The following MDM1 variants were observed in gnomAD, a reference collection of about 807,000 sequenced individuals.
MDM1 encodes Mdm1 nuclear protein.
MDM1 carries 61 observed loss-of-function variants against 89.1 expected under a neutral mutation model. That is an observed-to-expected ratio of 0.68 (90% CI 0.56 to 0.85). The LOEUF is 0.85. MDM1 is among the 40% of genes least tolerant of loss of function. MDM1 has a pLI of 0.00. For synonymous variants in MDM1, 290 were observed against 294.1 expected, an observed-to-expected ratio of 0.99 and a Z score of 0.14; for missense variants, 820 against 846.5, an observed-to-expected ratio of 0.97 and a Z score of 0.39.
chr12:68,327,068 TACAAAG>T, intron 2 of MDM1, 47 bp from the exon 3 acceptor site: 1 of 1,521,746 alleles, frequency 6.6e-7, no homozygotes, highest in Non-Finnish European at 8.7e-7. Flanking sequence ...AGCAAAAAGT[TACAAAG>T]ACAACTTTTA....
At chr12:68,308,657 T>G (rs1411763095) in intron 12 of MDM1, among the ~76,000 whole-genome samples, 1 of 152,200 alleles carries the variant, frequency 6.6e-6, no homozygotes, top group Non-Finnish European at 1.5e-5. Flanking sequence ...CCAATGAAAA[T>G]GTAAGCTTCA....
In MDM1 at chr12:68,321,536, A is replaced by T; in HGVS notation, c.894T>A (p.His298Gln). ...ATTAAAATACATACCCAAGCCTTTG[A>T]TGTTTCCAAGGAGTAAGCTTCCTTT... ...QPKRKLTPWK[H>Q]QRLGKVNSEY... Residue 298 changes from histidine (H) to glutamine (Q), a missense_variant, in exon 6 of 15, where the codon CAT becomes CAA. Physicochemically the swap from His to Gln is conservative, Grantham distance 24. Coordinates refer to ENST00000682720, the MANE Select transcript of MDM1 (RefSeq NM_001354969.2). 6.2e-7 allele frequency: 1 copy of T among 1,612,850 alleles called. No homozygotes were observed. Among genetic ancestry groups the T allele is most frequent in the Non-Finnish European group, 8.5e-7 (1 of 1,179,468 alleles).
rs760557279 is a variant in MDM1 at position 68,315,040 on chromosome 12, T to C, written c.1437A>G (p.Glu479=). 1.2e-6 allele frequency: 2 copies of C among 1,614,190 alleles called. No homozygotes were observed. The highest frequency in any genetic ancestry group is 1.7e-5 in the Admixed American group (1 of 60,018). Residue 479 remains glutamate, a synonymous_variant, in exon 10 of 15, where the codon GAA becomes GAG. Transcript: ENST00000682720. ...EKEEEDDNEE[E]GDRKTGKQAF... ...CCTGCTTGCCCGTTTTCCTGTCCCCTTCCTCTTCATTGTCGTCCTCCTCCT... is the reference window on the plus strand; with the variant it reads ...CCTGCTTGCCCGTTTTCCTGTCCCCCTCCTCTTCATTGTCGTCCTCCTCCT...
chr12:68,330,606 T>C (rs1876651404), intron 2 of MDM1: 1 of 153,058 alleles, frequency 6.5e-6, no homozygotes, highest in African/African-American at 2.4e-5. Context: ...TGCTGAATCA[T>C]GGAGGTTTGA....
intron 4 of MDM1, chr12:68,325,089 C>T: frequency 1.1e-6 from 1 of 946,336 alleles, no homozygotes; most frequent in Non-Finnish European, 1.3e-6. Context: ...ATATATTAGT[C>T]AACAAAACAC....
intron 12 of MDM1, among the ~76,000 whole-genome samples, chr12:68,304,746 C>T (rs890326516): frequency 6.6e-6 from 1 of 152,194 alleles, no homozygotes; most frequent in Admixed American, 6.5e-5. Flanking sequence ...GAGCCTAAAT[C>T]CTCAAAAGGC....
intron 4 of MDM1, among the ~76,000 whole-genome samples, chr12:68,323,733 C>T (rs770140093): frequency 6.6e-6 from 1 of 152,138 alleles, no homozygotes; most frequent in African/African-American, 2.4e-5. Flanking sequence ...TCCTTTTATA[C>T]TTACTACTTC....
At chr12:68,308,418 G>A (rs150512641) in intron 12 of MDM1, among the ~76,000 whole-genome samples, 1,808 of 152,188 alleles carry the variant, frequency 0.012, 25 homozygotes, top group South Asian at 0.069. Context: ...GAGCCACTGC[G>A]CCCGGCCCCT....
intron 14 of MDM1, among the ~76,000 whole-genome samples, chr12:68,296,304 C>T (rs897541724): frequency 6.6e-6 from 1 of 152,196 alleles, no homozygotes; most frequent in Admixed American, 6.5e-5. Flanking sequence ...TTGAGACCAT[C>T]CTGGCCAACA....
In MDM1 at chr12:68,316,184, G is replaced by C; in HGVS notation, c.1105C>G (p.His369Asp). ...RVQGTHFSRDHLNQILSDSNC... is the reference protein window; with the variant it reads ...RVQGTHFSRDDLNQILSDSNC... ...CTATCAGATAAAATCTGATTCAGAT[G>C]GTCCCGAGAAAAATGCGTCCCCTGA... The change falls in exon 9 of 15, where the codon CAT becomes GAT. Residue 369 changes from histidine (H) to aspartate (D), a missense_variant. His to Asp is a moderately conservative substitution (Grantham distance 81, BLOSUM62 -1). Transcript: ENST00000682720. 2 of 1,613,860 alleles carry C rather than the reference G, an allele frequency of 1.2e-6. No homozygotes were observed. The highest frequency in any genetic ancestry group is 8.5e-7 in the Non-Finnish European group (1 of 1,179,916).
intron 5 of MDM1, among the ~76,000 whole-genome samples, chr12:68,322,762 C>T (rs1401429854): frequency 1.3e-5 from 2 of 152,116 alleles, no homozygotes. Flanking sequence ...TGATATTAAA[C>T]TTACTTGACT....
At chr12:68,322,370 C>T (rs1200224800) in intron 5 of MDM1, among the ~76,000 whole-genome samples, 1 of 152,178 alleles carries the variant, frequency 6.6e-6, no homozygotes, top group Non-Finnish European at 1.5e-5. Context: ...TGGTGGCTCA[C>T]ACCTGTAATC....
In MDM1 at chr12:68,313,642, A is replaced by G; in HGVS notation, c.1639+2T>C. ...AAGAACTGCACGGTGTTTGCCGATTACCAACAGCTGGAGTAGTGAGATCAT... is the reference window on the plus strand; with the variant it reads ...AAGAACTGCACGGTGTTTGCCGATTGCCAACAGCTGGAGTAGTGAGATCAT... On this transcript the variant is annotated splice_donor_variant, in intron 11 of 14. Coordinates refer to ENST00000682720, the MANE Select transcript of MDM1 (RefSeq NM_001354969.2). LOFTEE classifies it high-confidence loss of function. 1 of 1,613,368 alleles carries G rather than the reference A, an allele frequency of 6.2e-7. No homozygotes were observed.
At chr12:68,310,257 T>C (rs2120909916) in intron 12 of MDM1, among the ~76,000 whole-genome samples, 1 of 152,338 alleles carries the variant, frequency 6.6e-6, no homozygotes, top group Non-Finnish European at 1.5e-5. Context: ...AAACATGAGC[T>C]ACCGCACCAG....
At chr12:68,327,429 T>C in intron 2 of MDM1, 1 of 1,535,894 alleles carries the variant, frequency 6.5e-7, no homozygotes, top group Middle Eastern at 1.7e-4. Context: ...TTCACAAAGC[T>C]TCTCTTATGT....
intron 13 of MDM1, 91 bp downstream of exon 13, chr12:68,302,529 A>T (rs1872307552): frequency 8.8e-7 from 1 of 1,136,050 alleles, no homozygotes; most frequent in South Asian, 2.0e-5. Context: ...TAAATAACTG[A>T]TTTATTAACA....
At chr12:68,327,680 A>C (rs1191734270) in intron 2 of MDM1, among the ~76,000 whole-genome samples, 1 of 152,172 alleles carries the variant, frequency 6.6e-6, no homozygotes, top group Non-Finnish European at 1.5e-5. Flanking sequence ...ATTCTTTAAG[A>C]CAGTTGCAGG....
rs143703856 is a variant in MDM1, at chr12:68,329,777, T to A, written c.133+1330A>T. Among the ~76,000 whole-genome samples the A allele has an allele frequency of 3.3e-3, 497 of 152,208 alleles. 5 individuals carry two copies. The highest frequency in any genetic ancestry group is 0.012 in the African/African-American group (481 of 41,512). On this transcript the variant is annotated intron_variant, in intron 2 of 14. Coordinates refer to ENST00000682720, the MANE Select transcript of MDM1 (RefSeq NM_001354969.2). The stretch of plus-strand genomic sequence containing the variant: ...AATTAAATAAGCAGGTATAATGAGG[T>A]CAGTCTGTCTCCCTTCTGTTCTATC...
chr12:68,328,159 C>A (rs1876284541), intron 2 of MDM1, among the ~76,000 whole-genome samples: 2 of 152,180 alleles, frequency 1.3e-5, no homozygotes, highest in Non-Finnish European at 2.9e-5. Flanking sequence ...AGGGACAATT[C>A]AAGAAAGCAT....
Sources: allele counts gnomAD v4.1 joint callset (sites outside exome capture counted in the v4.1 genomes callset), GRCh38; gene constraint gnomAD v4.1.1; transcripts MANE v1.5; gene names NCBI Gene and HGNC (gene_info 2026-07-23, HGNC 2026-07-21).